The following RCAN2 variants were observed in gnomAD, a reference collection of about 807,000 sequenced individuals.
The protein encoded by RCAN2 is calcipressin-2.
A neutral mutation model predicts 23.6 loss-of-function variants in RCAN2; 9 were observed. The ratio of observed to expected loss-of-function variants is 0.38; its 90% CI spans 0.23 to 0.67. The LOEUF (loss-of-function observed/expected upper bound fraction) is 0.67, where lower values mean the gene tolerates loss of function less well. RCAN2 is among the 30% of genes least tolerant of loss of function. RCAN2 has a pLI of 0.51. For synonymous variants in RCAN2, 109 were observed against 115.7 expected (o/e 0.94, Z 0.37); for missense variants, 273 against 302.3 (o/e 0.90, Z 0.72).
At chr6:46,447,159 C>T (rs1767737322) in intron 2 of RCAN2, among the ~76,000 whole-genome samples, 1 of 151,850 alleles carries the variant, frequency 6.6e-6, no homozygotes, top group Non-Finnish European at 1.5e-5. Context: ...CATGTAAATG[C>T]TAACCAAAGG....
At position 46,491,449 on chromosome 6, in the gene RCAN2, C is replaced by A; in HGVS notation, c.-279G>T. On this transcript the variant is annotated 5_prime_UTR_variant, in exon 1 of 5. Transcript: ENST00000371374. ...GCCGTCACCCGGGACAAAGCGGCTC[C>A]AGGGAGGGGCTGAGCCGGCGGCTCT... The A allele has an allele frequency of 6.6e-6, 1 of 152,372 alleles. No homozygotes were observed. The highest frequency in any genetic ancestry group is 1.5e-5 in the Non-Finnish European group (1 of 68,178). The allele number at this position is 152,372 out of a possible 1,614,324, so 9.4% of individuals were successfully genotyped here. A position where few individuals can be genotyped will look rare whatever the true frequency, so the allele number is the denominator to read the frequency against.
intron 4 of RCAN2, among the ~76,000 whole-genome samples, chr6:46,232,010 C>T (rs1765910309): frequency 6.6e-6 from 1 of 152,162 alleles, no homozygotes; most frequent in Non-Finnish European, 1.5e-5. Context: ...AAATCATAGG[C>T]AGGGAGAACT....
chr6:46,314,168 C>G (rs1012063354), intron 2 of RCAN2, among the ~76,000 whole-genome samples: 1 of 151,908 alleles, frequency 6.6e-6, no homozygotes, highest in Non-Finnish European at 1.5e-5. Context: ...TCGAGGCCAG[C>G]TTGGCCAACA....
chr6:46,393,551 A>AT (rs921216700), intron 2 of RCAN2, among the ~76,000 whole-genome samples: 11 of 152,104 alleles, frequency 7.2e-5, no homozygotes, highest in Non-Finnish European at 1.2e-4. Flanking sequence ...TAAATACTCT[A>AT]TTTTCCAACA....
chr6:46,237,333 T>C (rs958600514), intron 4 of RCAN2, among the ~76,000 whole-genome samples: 27 of 152,354 alleles, frequency 1.8e-4, no homozygotes, highest in African/African-American at 6.3e-4. Context: ...GAAGAGACTA[T>C]AAATTATAAA....
chr6:46,449,588 G>C (rs1388763825), intron 2 of RCAN2, among the ~76,000 whole-genome samples: 1 of 151,416 alleles, frequency 6.6e-6, no homozygotes, highest in African/African-American at 2.4e-5. Context: ...CAAAGCTATA[G>C]TAATCAAAAC....
In RCAN2 at chr6:46,278,763, T is replaced by C. The variant is rs1767799372; in HGVS notation, c.226-29867A>G. 2.0e-5 allele frequency among the ~76,000 whole-genome samples: 3 copies of C among 152,236 alleles called. No homozygotes were observed. In the South Asian group the frequency reaches 6.2e-4, roughly 32 times the overall value. ...TGTACAATGTCCCTTAATTTGGATT[T>C]GTTTGCTGTTTCCTCATGATTAGAT... On this transcript the variant is annotated intron_variant, in intron 2 of 4. Coordinates refer to ENST00000371374, the MANE Select transcript of RCAN2 (RefSeq NM_001251974.2).
chr6:46,315,741 T>A (rs1214106646), intron 2 of RCAN2, among the ~76,000 whole-genome samples: 1 of 152,034 alleles, frequency 6.6e-6, no homozygotes, highest in Non-Finnish European at 1.5e-5. Context: ...TCAGGCTGCT[T>A]CCCTTTCCAT....
intron 1 of RCAN2, among the ~76,000 whole-genome samples, chr6:46,483,052 C>G (rs547762008): frequency 1.3e-5 from 2 of 152,260 alleles, no homozygotes; most frequent in African/African-American, 2.4e-5. Context: ...TAGGAAGGAG[C>G]ACAGGGGAAA....
intron 2 of RCAN2, among the ~76,000 whole-genome samples, chr6:46,435,114 G>A (rs1338517024): frequency 6.6e-6 from 1 of 152,164 alleles, no homozygotes; most frequent in Non-Finnish European, 1.5e-5. Context: ...GCAATAATTA[G>A]TATTATACAA....
chr6:46,413,644 G>C (rs1208809876), intron 2 of RCAN2, among the ~76,000 whole-genome samples: 1 of 152,186 alleles, frequency 6.6e-6, no homozygotes, highest in African/African-American at 2.4e-5. Flanking sequence ...GGATCCCTTA[G>C]ATCAGAGCTG....
At chr6:46,427,799 G>A (rs929645891) in intron 2 of RCAN2, among the ~76,000 whole-genome samples, 3 of 152,220 alleles carry the variant, frequency 2.0e-5, no homozygotes, top group East Asian at 1.9e-4. Flanking sequence ...CAATCCAAGC[G>A]TAAGTTTATG....
At chr6:46,312,152 C>T (rs1763284326) in intron 2 of RCAN2, among the ~76,000 whole-genome samples, 1 of 152,164 alleles carries the variant, frequency 6.6e-6, no homozygotes, top group Non-Finnish European at 1.5e-5. Flanking sequence ...GGGTTACATG[C>T]CATGCTAAGG....
At chr6:46,363,914 T>C (rs1248206566) in intron 2 of RCAN2, among the ~76,000 whole-genome samples, 1 of 152,180 alleles carries the variant, frequency 6.6e-6, no homozygotes, top group Non-Finnish European at 1.5e-5. Flanking sequence ...TATAAGCCAT[T>C]AGGAATACTG....
intron 2 of RCAN2, among the ~76,000 whole-genome samples, chr6:46,315,677 G>T (rs1185223667): frequency 1.3e-5 from 2 of 152,126 alleles, no homozygotes; most frequent in Non-Finnish European, 2.9e-5. Context: ...AGGAGCCACG[G>T]AGTCTCTAAA....
intron 2 of RCAN2, among the ~76,000 whole-genome samples, chr6:46,352,795 G>C (rs566310392): frequency 2.6e-4 from 40 of 152,300 alleles, no homozygotes; most frequent in African/African-American, 9.4e-4. Context: ...TCACTGTAAA[G>C]GAAGAAGATA....
chr6:46,456,050 A>G (rs2150432193), intron 2 of RCAN2, among the ~76,000 whole-genome samples: 1 of 152,356 alleles, frequency 6.6e-6, no homozygotes, highest in South Asian at 2.1e-4. Flanking sequence ...AACTTTGGAA[A>G]GGTCTCCAAA....
chr6:46,410,450 G>A (rs1327708702), intron 2 of RCAN2, among the ~76,000 whole-genome samples: 3 of 152,082 alleles, frequency 2.0e-5, no homozygotes, highest in African/African-American at 7.2e-5. Context: ...TTAGGACATG[G>A]TAAAAAAAGG....
At chr6:46,340,714 T>C (rs1764290261) in intron 2 of RCAN2, among the ~76,000 whole-genome samples, 1 of 152,208 alleles carries the variant, frequency 6.6e-6, no homozygotes, top group South Asian at 2.1e-4. Context: ...TTTTAGAGTG[T>C]ATCTGGTAAA....
Sources: allele counts gnomAD v4.1 joint callset (sites outside exome capture counted in the v4.1 genomes callset), GRCh38; gene constraint gnomAD v4.1.1; transcripts MANE v1.5; gene names NCBI Gene and HGNC (gene_info 2026-07-23, HGNC 2026-07-21).